The following PSME4 variants were observed in gnomAD, a reference collection of about 807,000 sequenced individuals.
PSME4 encodes the protein proteasome activator subunit 4.
A neutral mutation model predicts 253.9 loss-of-function variants in PSME4; 89 were observed. The observed-to-expected ratio is 0.35, with a 90% CI of 0.30 to 0.42. The LOEUF (loss-of-function observed/expected upper bound fraction) is 0.42, where lower values mean the gene tolerates loss of function less well. PSME4 is among the 10% of genes least tolerant of loss of function. The pLI, the probability that PSME4 is intolerant of heterozygous loss-of-function variation, is 1.00. For synonymous variants in PSME4, 851 were observed against 759.2 expected, an observed-to-expected ratio of 1.12 and a Z score of -1.99; for missense variants, 2,014 against 2,195.2, an observed-to-expected ratio of 0.92 and a Z score of 1.65.
At chr2:53,874,220 A>C (rs1679019619) in intron 43 of PSME4, 119 bp downstream of exon 43, 2 of 1,027,596 alleles carry the variant, frequency 1.9e-6, no homozygotes, top group Admixed American at 5.1e-5. Context: ...TTCGTCTCTC[A>C]AAGAGTTGAG....
intron 12 of PSME4, among the ~76,000 whole-genome samples, chr2:53,926,553 C>T (rs1472388538): frequency 2.0e-5 from 3 of 152,068 alleles, no homozygotes; most frequent in Non-Finnish European, 1.5e-5. Context: ...TGTTGGCACA[C>T]GCCTGTAATC....
chr2:53,901,954 C>T (rs945138704), intron 27 of PSME4, among the ~76,000 whole-genome samples: 5 of 152,170 alleles, frequency 3.3e-5, no homozygotes, highest in Admixed American at 3.3e-4. Flanking sequence ...GTGGTCCCAG[C>T]TCCTCAGGAG....
At chr2:53,926,558 G>A (rs1356782892) in intron 12 of PSME4, among the ~76,000 whole-genome samples, 1 of 152,142 alleles carries the variant, frequency 6.6e-6, no homozygotes, top group African/African-American at 2.4e-5. Flanking sequence ...GCACACGCCT[G>A]TAATCCCAGC....
At chr2:53,867,467 C>G (rs1394337614) in intron 44 of PSME4, among the ~76,000 whole-genome samples, 1 of 146,550 alleles carries the variant, frequency 6.8e-6, no homozygotes, top group Non-Finnish European at 1.5e-5. Context: ...CCACTGTACT[C>G]CAGCCTGGGA....
In PSME4 at chr2:53,921,867, C is replaced by CA. The variant is rs761422523; in HGVS notation, c.2046+649dup. On this transcript the variant is annotated intron_variant, in intron 17 of 46. Coordinates refer to ENST00000404125, the MANE Select transcript of PSME4 (RefSeq NM_014614.3). ...TGGGCGACAGAGCGAGACTCCGTCTCAAAAAAAAGAAAACTGAAGTTTGGG... is the reference window on the plus strand; with the variant it reads ...TGGGCGACAGAGCGAGACTCCGTCTCAAAAAAAAAGAAAACTGAAGTTTGGG... 7.8e-5 allele frequency among the ~76,000 whole-genome samples: 7 copies of CA among 90,194 alleles called. No individual in the cohort carries two copies. In the South Asian group the frequency reaches 1.3e-3, roughly 17 times the overall value. The allele number at this position is 90,194 out of a possible 152,430, so 59.2% of individuals were successfully genotyped here. A position where few individuals can be genotyped will look rare whatever the true frequency, so the allele number is the denominator to read the frequency against.
Position 53,970,804 on chromosome 2 carries a change from C to A in PSME4, c.-20G>T, listed in dbSNP as rs1671045509. On this transcript the variant is annotated 5_prime_UTR_variant, in exon 1 of 47. Coordinates refer to ENST00000404125, the MANE Select transcript of PSME4 (RefSeq NM_014614.3). The stretch of plus-strand genomic sequence containing the variant: ...CTCCATGAGCCCAGGGACACCCCCC[C>A]CACCCCCTCCCACCCGAACCCTCCC... The A allele has an allele frequency of 6.7e-7, 1 of 1,487,646 alleles. No homozygotes were observed. The highest frequency in any genetic ancestry group is 8.9e-7 in the Non-Finnish European group (1 of 1,117,792). 92.2% of individuals were successfully genotyped at this position (1,487,646 alleles called of 1,614,324 possible).
chr2:53,895,591 G>A lies in PSME4; in HGVS notation c.3834C>T (p.Thr1278=). ...FVEKTHWGYY[T]WPKNMVVYAG... is the part of the protein sequence containing the mutation. ...CACAGTAAGTTACTTACTTTGGCCA[G>A]GTGTAGTATCCCCAGTGAGTTTTTT... Residue 1278 remains threonine, a synonymous_variant, in exon 33 of 47, where the codon ACC becomes ACT. Transcript: ENST00000404125. The A allele has an allele frequency of 6.2e-7, 1 of 1,610,756 alleles. No individual in the cohort carries two copies. Among genetic ancestry groups the A allele is most frequent in the Non-Finnish European group, 8.5e-7 (1 of 1,178,742 alleles).
chr2:53,967,260 T>A (rs1306624706), intron 1 of PSME4, among the ~76,000 whole-genome samples: 2 of 152,142 alleles, frequency 1.3e-5, no homozygotes, highest in Non-Finnish European at 2.9e-5. Flanking sequence ...CTCTATCACA[T>A]GGCCAAGTAT....
At chr2:53,952,250 C>T (rs1474399449) in intron 1 of PSME4, among the ~76,000 whole-genome samples, 1 of 151,734 alleles carries the variant, frequency 6.6e-6, no homozygotes, top group Non-Finnish European at 1.5e-5. Flanking sequence ...ACCAGCCTGG[C>T]CAATATGGTG....
At chr2:53,941,127 A>G (rs912756788) in intron 3 of PSME4, among the ~76,000 whole-genome samples, 4 of 145,716 alleles carry the variant, frequency 2.7e-5, no homozygotes, top group Admixed American at 2.2e-4. Context: ...AGAAATTCCA[A>G]GGAATAACAG....
intron 10 of PSME4, among the ~76,000 whole-genome samples, chr2:53,930,544 G>T (rs996118074): frequency 1.4e-4 from 21 of 152,206 alleles, no homozygotes; most frequent in African/African-American, 4.3e-4. Context: ...TAAGCTGGAA[G>T]AGTTTCAATG....
Position 53,932,770 on chromosome 2 carries a change from T to TA in PSME4, c.958-11dup, listed in dbSNP as rs771866796. ...GCTTACTTGGTCCACCCTGTCCAGA[T>TA]AAAAGAGTAAAAATGTCAGTACCCA... On this transcript the variant is annotated splice_polypyrimidine_tract_variant and intron_variant, in intron 8 of 46. Coordinates refer to ENST00000404125, the MANE Select transcript of PSME4 (RefSeq NM_014614.3). 2.5e-6 allele frequency: 4 copies of TA among 1,603,104 alleles called. No individual in the cohort carries two copies. The highest frequency in any genetic ancestry group is 1.7e-4 in the Middle Eastern group (1 of 6,052).
Position 53,866,286 on chromosome 2 carries a change from T to C in PSME4, c.5398-63A>G, listed in dbSNP as rs114107539. The C allele has an allele frequency of 1.3e-3, 1,965 of 1,541,454 alleles. 25 individuals are homozygous for C. The African/African-American group carries it at 0.024, about 19-fold the overall frequency. Reference sequence around the variant, plus strand: ...TGGACAACCAGGATCATATGTAGGATACTTTTAGTTAAATTACCGTCCCTC... The same window carrying C: ...TGGACAACCAGGATCATATGTAGGACACTTTTAGTTAAATTACCGTCCCTC... On this transcript the variant is annotated intron_variant, in intron 45 of 46. Coordinates refer to ENST00000404125, the MANE Select transcript of PSME4 (RefSeq NM_014614.3).
intron 1 of PSME4, among the ~76,000 whole-genome samples, chr2:53,958,916 A>G (rs2111868): frequency 0.54 from 82,576 of 151,804 alleles, 22,884 homozygotes; most frequent in East Asian, 0.72. Context: ...CCAACAAAAA[A>G]ATTAATTGAA....
At chr2:53,872,818 A>G (rs1405038148) in intron 43 of PSME4, among the ~76,000 whole-genome samples, 1 of 150,986 alleles carries the variant, frequency 6.6e-6, no homozygotes, top group Non-Finnish European at 1.5e-5. Context: ...CAAGCGGTAT[A>G]ATAATTAAAG....
intron 38 of PSME4, 191 bp from the exon 39 acceptor site, chr2:53,888,180 T>A (rs563912768): frequency 2.2e-6 from 1 of 463,608 alleles, no homozygotes; most frequent in East Asian, 3.9e-5. Flanking sequence ...TTCTCTGTAT[T>A]TGCATTTCAT....
chr2:53,922,781 C>G (rs1260692743), intron 16 of PSME4, among the ~76,000 whole-genome samples, 197 bp from the exon 17 acceptor site: 1 of 151,596 alleles, frequency 6.6e-6, no homozygotes, highest in East Asian at 1.9e-4. Context: ...AACACACCAA[C>G]CAAGACTTCT....
At chr2:53,870,802 T>C (rs1678839876) in intron 43 of PSME4, 1 of 152,190 alleles carries the variant, frequency 6.6e-6, no homozygotes, top group Non-Finnish European at 1.5e-5. Flanking sequence ...TTTTATTTTT[T>C]TATTTTTTGT....
At chr2:53,892,775 A>G (rs1218458083) in intron 36 of PSME4, 33 bp downstream of exon 36, 1 of 1,574,446 alleles carries the variant, frequency 6.4e-7, no homozygotes, top group Admixed American at 1.9e-5. Context: ...TAGCTTTAAC[A>G]GGAAATGTTC....
Sources: gnomAD v4.1 joint callset for allele counts (sites outside exome capture counted in the v4.1 genomes callset) on GRCh38, gnomAD v4.1.1 for gene constraint, MANE v1.5 for transcripts, NCBI Gene and HGNC (gene_info 2026-07-23, HGNC 2026-07-21) for gene names.